The following OSTF1 variants were observed in gnomAD, a reference collection of about 807,000 sequenced individuals.
OSTF1 encodes the protein osteoclast-stimulating factor 1.
OSTF1 carries 27 observed loss-of-function variants against 37.2 expected under a neutral mutation model. The ratio of observed to expected loss-of-function variants is 0.73; its 90% CI spans 0.54 to 1.00. OSTF1 has a LOEUF of 1.00. Among genes scored for constraint, OSTF1 ranks in the 50% least tolerant of loss-of-function variants. The pLI is 0.00. For missense variants in OSTF1, 232 were observed against 253.8 expected (o/e 0.91, Z 0.58); for synonymous variants, 82 against 89.2 (o/e 0.92, Z 0.46).
chr9:75,106,026 C>T (rs1044825439), intron 1 of OSTF1, among the ~76,000 whole-genome samples: 2 of 152,176 alleles, frequency 1.3e-5, no homozygotes, highest in Admixed American at 6.5e-5. Flanking sequence ...TTAAAGAGTC[C>T]GCTATTCCTG....
chr9:75,146,086 A>G (rs958671844), intron 9 of OSTF1, among the ~76,000 whole-genome samples: 2 of 152,220 alleles, frequency 1.3e-5, no homozygotes, highest in African/African-American at 4.8e-5. Flanking sequence ...GAATTTGACT[A>G]GACAGTTGAA....
intron 3 of OSTF1, among the ~76,000 whole-genome samples, chr9:75,129,976 A>T (rs1197038852): frequency 6.6e-6 from 1 of 152,188 alleles, no homozygotes; most frequent in Non-Finnish European, 1.5e-5. Flanking sequence ...TACGTACTGA[A>T]ATATTTACAA....
In OSTF1 at chr9:75,140,902, G is replaced by A; in HGVS notation, c.556G>A (p.Ala186Thr). ...CGACATGGCTACCAATGCTGCCTGT[G>A]CATCTCTCCTGAAAAAGAAACAGGG... ...AFDMATNAACASLLKKKQGTD... is the reference protein window; with the variant it reads ...AFDMATNAACTSLLKKKQGTD... Residue 186 changes from alanine to threonine, a missense_variant, in exon 9 of 10, where the codon GCA (alanine) becomes ACA (threonine). Coordinates refer to ENST00000346234, the MANE Select transcript of OSTF1 (RefSeq NM_012383.5). The A allele has an allele frequency of 6.2e-7, 1 of 1,613,224 alleles. No individual in the cohort carries two copies. Among genetic ancestry groups the A allele is most frequent in the Non-Finnish European group, 8.5e-7 (1 of 1,179,242 alleles).
chr9:75,122,651 C>T (rs185167703), intron 2 of OSTF1, among the ~76,000 whole-genome samples: 5 of 152,234 alleles, frequency 3.3e-5, no homozygotes, highest in Admixed American at 1.3e-4. Context: ...CGTAATCTGA[C>T]TTATAGTTCA....
intron 2 of OSTF1, 56 bp from the exon 3 acceptor site, chr9:75,127,513 A>G: frequency 1.0e-6 from 1 of 969,832 alleles, no homozygotes; most frequent in Non-Finnish European, 1.6e-6. Context: ...AATCTATATA[A>G]TCATATTCTA....
intron 9 of OSTF1, 43 bp downstream of exon 9, chr9:75,140,975 C>A: frequency 7.3e-7 from 1 of 1,365,368 alleles, no homozygotes. Context: ...TGCCCCATAA[C>A]TAAGATTTAT....
intron 1 of OSTF1, among the ~76,000 whole-genome samples, chr9:75,107,857 T>C (rs1249419573): frequency 2.0e-5 from 3 of 152,086 alleles, no homozygotes; most frequent in Non-Finnish European, 4.4e-5. Flanking sequence ...GATTATAGAG[T>C]GCATCGGTAA....
Position 75,139,072 on chromosome 9 carries a change from G to A in OSTF1, c.487+1456G>A, listed in dbSNP as rs556410023. Among the ~76,000 whole-genome samples the A allele has an allele frequency of 7.4e-4, 39 of 52,428 alleles. 1 individual carries two copies. The highest frequency in any genetic ancestry group is 6.7e-4 in the East Asian group (1 of 1,486). 34.4% of individuals were successfully genotyped at this position (52,428 alleles called of 152,430 possible). On this transcript the variant is annotated intron_variant, in intron 8 of 9. Coordinates refer to ENST00000346234, the MANE Select transcript of OSTF1 (RefSeq NM_012383.5). ...TTTCTTTCTTTTTTTTTTGAAACTG[G>A]GTCTCTATTGCCCAGGCTGGAATGC...
intron 2 of OSTF1, among the ~76,000 whole-genome samples, chr9:75,121,763 A>G (rs182579417): frequency 6.6e-6 from 1 of 152,126 alleles, no homozygotes; most frequent in African/African-American, 2.4e-5. Flanking sequence ...CTCTGGAGGG[A>G]TAGATACACC....
chr9:75,107,840 G>A (rs1181217650), intron 1 of OSTF1, among the ~76,000 whole-genome samples: 2 of 152,142 alleles, frequency 1.3e-5, no homozygotes, highest in African/African-American at 4.8e-5. Flanking sequence ...ACTTCTGCTT[G>A]AGCAAGGATT....
intron 1 of OSTF1, among the ~76,000 whole-genome samples, chr9:75,089,840 T>A (rs1824923432): frequency 6.6e-6 from 1 of 152,250 alleles, no homozygotes; most frequent in African/African-American, 2.4e-5. Flanking sequence ...ATAGCTTTCA[T>A]ACTTATCTAG....
chr9:75,123,491 G>A (rs1280127037), intron 2 of OSTF1, among the ~76,000 whole-genome samples: 2 of 152,188 alleles, frequency 1.3e-5, no homozygotes, highest in South Asian at 2.1e-4. Flanking sequence ...ACTTCATTAT[G>A]TTATTGTTTT....
At chr9:75,125,255 C>T (rs1311879265) in intron 2 of OSTF1, among the ~76,000 whole-genome samples, 1 of 152,096 alleles carries the variant, frequency 6.6e-6, no homozygotes, top group Admixed American at 6.6e-5. Flanking sequence ...GGGATGCTGG[C>T]GTGCGGAGAG....
chr9:75,091,149 G>A (rs1390659235), intron 1 of OSTF1, among the ~76,000 whole-genome samples: 1 of 144,748 alleles, frequency 6.9e-6, no homozygotes, highest in Non-Finnish European at 1.5e-5. Flanking sequence ...GCAGTGGCGC[G>A]ATCTCGGCTC....
intron 1 of OSTF1, among the ~76,000 whole-genome samples, chr9:75,096,752 G>A (rs1271386744): frequency 6.6e-6 from 1 of 152,208 alleles, no homozygotes; most frequent in Non-Finnish European, 1.5e-5. Context: ...GGGAGAAGAC[G>A]CTTCCAAACT....
At chr9:75,104,017 C>G (rs1032324163) in intron 1 of OSTF1, among the ~76,000 whole-genome samples, 1 of 152,066 alleles carries the variant, frequency 6.6e-6, no homozygotes, top group Middle Eastern at 3.4e-3. Context: ...CGCTTGAAGT[C>G]AGGAGTTCAA....
intron 1 of OSTF1, among the ~76,000 whole-genome samples, chr9:75,115,656 G>A (rs11144238): frequency 2.6e-4 from 34 of 129,108 alleles, no homozygotes; most frequent in South Asian, 5.1e-4. Context: ...TTTTTTTTTT[G>A]TTTTTTGTTT....
chr9:75,145,177 A>ATCTATCTAATCT (rs10701570), intron 9 of OSTF1, among the ~76,000 whole-genome samples: 42,274 of 148,906 alleles, frequency 0.28, 6,150 homozygotes, highest in Non-Finnish European at 0.31. Flanking sequence ...CTATCTATCT[A>ATCTATCTAATCT]ATCTATCTAT....
intron 1 of OSTF1, among the ~76,000 whole-genome samples, chr9:75,115,204 T>G (rs959408969): frequency 6.6e-6 from 1 of 152,234 alleles, no homozygotes; most frequent in Non-Finnish European, 1.5e-5. Flanking sequence ...TGGAGGCCAC[T>G]GTTCTGCATT....
Sources: gnomAD v4.1 joint callset for allele counts (sites outside exome capture counted in the v4.1 genomes callset) on GRCh38, gnomAD v4.1.1 for gene constraint, MANE v1.5 for transcripts, NCBI Gene and HGNC (gene_info 2026-07-23, HGNC 2026-07-21) for gene names.